The following CSGALNACT1 variants were observed in gnomAD, a reference collection of about 807,000 sequenced individuals.
CSGALNACT1 encodes chondroitin sulfate N-acetylgalactosaminyltransferase 1.
Under a neutral mutation model 51.0 loss-of-function variants are expected in CSGALNACT1, and 52 were observed. The observed-to-expected ratio is 1.02, with a 90% CI of 0.82 to 1.29. The LOEUF (loss-of-function observed/expected upper bound fraction) is 1.29, where lower values mean the gene tolerates loss of function less well. Ranked by LOEUF, CSGALNACT1 falls within the 50% of genes most tolerant of loss-of-function variation. The pLI, the probability that CSGALNACT1 is intolerant of heterozygous loss-of-function variation, is 0.00. For missense variants in CSGALNACT1, 935 were observed against 679.2 expected (o/e 1.38, Z -4.19); for synonymous variants, 341 against 254.4 (o/e 1.34, Z -3.24).
chr8:19,533,025 CTTAAATA>C (rs1402662515), intron 3 of CSGALNACT1, among the ~76,000 whole-genome samples: 2 of 152,196 alleles, frequency 1.3e-5, no homozygotes, highest in Non-Finnish European at 2.9e-5. Context: ...TAAGACTTAT[CTTAAATA>C]TTAAATGTCA....
At chr8:19,740,876 A>G (rs183610038) in intron 1 of CSGALNACT1, among the ~76,000 whole-genome samples, 17 of 152,340 alleles carry the variant, frequency 1.1e-4, no homozygotes, top group Non-Finnish European at 2.2e-4. Context: ...ATCATAAGTT[A>G]AAATGGATGC....
intron 1 of CSGALNACT1, among the ~76,000 whole-genome samples, chr8:19,731,074 C>G (rs2063666448): frequency 6.6e-6 from 1 of 152,130 alleles, no homozygotes; most frequent in African/African-American, 2.4e-5. Context: ...AATCATGAGC[C>G]TAAACAGCTG....
At chr8:19,636,176 A>T (rs1181317922) in intron 1 of CSGALNACT1, among the ~76,000 whole-genome samples, 1 of 152,184 alleles carries the variant, frequency 6.6e-6, no homozygotes, top group Non-Finnish European at 1.5e-5. Context: ...GTACAATACA[A>T]TAAGGTATTT....
intron 1 of CSGALNACT1, among the ~76,000 whole-genome samples, chr8:19,714,636 C>CTT (rs1392025072): frequency 6.6e-6 from 1 of 151,990 alleles, no homozygotes; most frequent in Admixed American, 6.6e-5. Context: ...CATTGCCTAC[C>CTT]TTTTCTATTA....
chr8:19,736,793 T>C (rs1232089991), intron 1 of CSGALNACT1, among the ~76,000 whole-genome samples: 1 of 152,110 alleles, frequency 6.6e-6, no homozygotes, highest in Admixed American at 6.5e-5. Context: ...CACATCTCAC[T>C]AGAGTTCCAG....
chr8:19,455,242 A>G lies in CSGALNACT1; in HGVS notation c.851+3184T>C, dbSNP rs539190378. 2.9e-4 allele frequency among the ~76,000 whole-genome samples: 44 copies of G among 152,368 alleles called. 1 individual carries two copies. The South Asian group carries it at 8.5e-3, about 29-fold the overall frequency. On this transcript the variant is annotated intron_variant, in intron 5 of 9. Transcript: ENST00000454498. The stretch of plus-strand genomic sequence containing the variant: ...TGTTTAAATTATAAAATCCAAAAAT[A>G]ATCTTTCACTGAATCTTTAAACAAA...
chr8:19,409,240 G>A (rs2055078985), intron 8 of CSGALNACT1, among the ~76,000 whole-genome samples: 1 of 152,188 alleles, frequency 6.6e-6, no homozygotes, highest in Admixed American at 6.5e-5. Flanking sequence ...TATGTTACCA[G>A]CTCTCCAACT....
At chr8:19,613,332 C>CA (rs1368953162) in intron 1 of CSGALNACT1, among the ~76,000 whole-genome samples, 13 of 152,070 alleles carry the variant, frequency 8.5e-5, no homozygotes, top group Admixed American at 8.5e-4. Flanking sequence ...TATGATAAAC[C>CA]AAAAGTTAAA....
At chr8:19,658,996 GT>G (rs201533046) in intron 1 of CSGALNACT1, among the ~76,000 whole-genome samples, 42 of 151,992 alleles carry the variant, frequency 2.8e-4, no homozygotes, top group African/African-American at 9.4e-4. Flanking sequence ...CTTCATAAAT[GT>G]TTTTTTTCCC....
chr8:19,621,756 G>C (rs1255865931), intron 1 of CSGALNACT1, among the ~76,000 whole-genome samples: 2 of 152,062 alleles, frequency 1.3e-5, no homozygotes, highest in African/African-American at 2.4e-5. Context: ...ACCCCAGCCT[G>C]GGCAACAGAA....
intron 3 of CSGALNACT1, among the ~76,000 whole-genome samples, chr8:19,544,175 G>C (rs1554687347): frequency 6.6e-6 from 1 of 151,756 alleles, no homozygotes; most frequent in Non-Finnish European, 1.5e-5. Context: ...TATAGATTTA[G>C]ACAGAGCCTG....
At chr8:19,424,011 G>A (rs924809425) in intron 6 of CSGALNACT1, among the ~76,000 whole-genome samples, 2 of 152,150 alleles carry the variant, frequency 1.3e-5, no homozygotes, top group African/African-American at 4.8e-5. Flanking sequence ...CCTGCCCCAC[G>A]CAGGACTCTG....
At chr8:19,478,097 G>C (rs990086234) in intron 4 of CSGALNACT1, among the ~76,000 whole-genome samples, 2 of 151,696 alleles carry the variant, frequency 1.3e-5, no homozygotes, top group Non-Finnish European at 2.9e-5. Context: ...TTACACAGTG[G>C]AATCATTTGG....
At chr8:19,414,330 T>G (rs367913548) in intron 8 of CSGALNACT1, among the ~76,000 whole-genome samples, 1 of 150,592 alleles carries the variant, frequency 6.6e-6, no homozygotes, top group Non-Finnish European at 1.5e-5. Flanking sequence ...AAGATAGAAG[T>G]GGTAGGAGGC....
intron 1 of CSGALNACT1, among the ~76,000 whole-genome samples, chr8:19,619,983 G>T (rs1479998009): frequency 6.6e-6 from 1 of 152,086 alleles, no homozygotes; most frequent in Admixed American, 6.6e-5. Flanking sequence ...GAGAATAATG[G>T]GACCTACCCG....
At chr8:19,680,567 C>CCA (rs1554804019) in intron 1 of CSGALNACT1, among the ~76,000 whole-genome samples, 1 of 38,502 alleles carries the variant, frequency 2.6e-5, no homozygotes, top group Non-Finnish European at 5.0e-5. Context: ...TCGCCCCACC[C>CCA]CCCCCCCCCC....
At chr8:19,635,916 G>C (rs913858012) in intron 1 of CSGALNACT1, among the ~76,000 whole-genome samples, 3 of 152,106 alleles carry the variant, frequency 2.0e-5, no homozygotes, top group East Asian at 1.9e-4. Context: ...TTTTAGTAGA[G>C]ACAGGGTTTC....
intron 1 of CSGALNACT1, among the ~76,000 whole-genome samples, chr8:19,735,131 T>C (rs934578020): frequency 2.0e-5 from 3 of 151,916 alleles, no homozygotes; most frequent in African/African-American, 7.3e-5. Flanking sequence ...CCTTAGGAGG[T>C]AAATTAGAAA....
chr8:19,466,720 A>T (rs1423697321), intron 4 of CSGALNACT1, among the ~76,000 whole-genome samples: 2 of 152,148 alleles, frequency 1.3e-5, no homozygotes, highest in Non-Finnish European at 2.9e-5. Context: ...AGACGCTAGA[A>T]GGCAAATCAC....
Sources: allele counts gnomAD v4.1 joint callset (sites outside exome capture counted in the v4.1 genomes callset), GRCh38; gene constraint gnomAD v4.1.1; transcripts MANE v1.5; gene names NCBI Gene and HGNC (gene_info 2026-07-23, HGNC 2026-07-21).